The following AFF2 variants were observed in gnomAD, a reference collection of about 807,000 sequenced individuals.
AFF2 encodes AF4/FMR2 family member 2.
A neutral mutation model predicts 76.9 loss-of-function variants in AFF2; 14 were observed. That is an observed-to-expected ratio of 0.18 (90% CI 0.12 to 0.28). The LOEUF is 0.28. Among genes scored for constraint, AFF2 ranks in the 10% least tolerant of loss-of-function variants. The pLI, the probability that AFF2 is intolerant of heterozygous loss-of-function variation, is 1.00. For missense variants in AFF2, 868 were observed against 1,001.1 expected (o/e 0.87, Z 1.79); for synonymous variants, 398 against 366.7 (o/e 1.09, Z -0.98).
At chrX:148,788,215 G>C (rs1459642650) in intron 3 of AFF2, among the ~76,000 whole-genome samples, 1 of 111,819 alleles carries the variant, frequency 8.9e-6, no homozygotes, top group African/African-American at 3.3e-5. Context: ...TATAGAGACT[G>C]TTTATTTTCA....
At chrX:148,870,502 C>G (rs950976037) in intron 7 of AFF2, among the ~76,000 whole-genome samples, 9 of 112,243 alleles carry the variant, frequency 8.0e-5, no homozygotes, top group African/African-American at 2.9e-4. Flanking sequence ...AGTTCATTCT[C>G]TGTTTCTGTG....
chrX:148,861,612 T>C (rs1319474505), intron 7 of AFF2, among the ~76,000 whole-genome samples: 4 of 111,236 alleles, frequency 3.6e-5, no homozygotes, highest in Non-Finnish European at 5.7e-5. Flanking sequence ...GAATTTTTTT[T>C]CCCAGAATCT....
rs984348225 is a variant in AFF2, at chrX:148,997,667, A to G, written c.*6335A>G. On this transcript the variant is annotated 3_prime_UTR_variant, in exon 21 of 21. Coordinates refer to ENST00000370460, the MANE Select transcript of AFF2 (RefSeq NM_002025.4). ...TGGTATTGCTACAATATTTGTCCTTACTGGAAAATGGTAACATCCGGGTCT... is the reference window on the plus strand; with the variant it reads ...TGGTATTGCTACAATATTTGTCCTTGCTGGAAAATGGTAACATCCGGGTCT... The G allele has an allele frequency of 9.0e-6, 1 of 111,168 alleles. No individual in the cohort carries two copies. The highest frequency in any genetic ancestry group is 1.9e-5 in the Non-Finnish European group (1 of 52,951). 9.2% of individuals were successfully genotyped at this position (111,168 alleles called of 1,213,427 possible). A position where few individuals can be genotyped will look rare whatever the true frequency, so the allele number is the denominator to read the frequency against.
At chrX:148,522,983 A>G (rs2052617996) in intron 1 of AFF2, among the ~76,000 whole-genome samples, 1 of 112,209 alleles carries the variant, frequency 8.9e-6, no homozygotes, top group Non-Finnish European at 1.9e-5. Flanking sequence ...CAAATTTTGT[A>G]TTGTGATAGT....
intron 3 of AFF2, among the ~76,000 whole-genome samples, chrX:148,755,415 C>G (rs2055550234): frequency 9.0e-6 from 1 of 111,476 alleles, no homozygotes; most frequent in South Asian, 3.8e-4. Context: ...CAAAGCAGTC[C>G]CTGTTCAGGT....
intron 8 of AFF2, among the ~76,000 whole-genome samples, chrX:148,892,590 T>C (rs2071236439): frequency 9.0e-6 from 1 of 111,055 alleles, no homozygotes; most frequent in South Asian, 3.9e-4. Context: ...TCCTGATACC[T>C]GTGATGCACA....
rs374800841 is a variant in AFF2, at chrX:148,962,851, A to T, written c.2827A>T (p.Ile943Phe). ...TGGTCCCTTTGGTCAAGACAAAAACATCGCCATGACTGGACAAATCACATC... is the reference window on the plus strand; with the variant it reads ...TGGTCCCTTTGGTCAAGACAAAAACTTCGCCATGACTGGACAAATCACATC... ...NNGPFGQDKNIAMTGQITSTK... is the reference protein window; with the variant it reads ...NNGPFGQDKNFAMTGQITSTK... Residue 943 changes from isoleucine to phenylalanine, a missense_variant, in exon 13 of 21, where the codon ATC (isoleucine) becomes TTC (phenylalanine). By Grantham distance (21) the Ile-to-Phe change is conservative. This residue lies in a region of AFF2 where 532 missense variants were observed against 564.2 expected (regional missense o/e 0.94). Coordinates refer to ENST00000370460, the MANE Select transcript of AFF2 (RefSeq NM_002025.4). The T allele has an allele frequency of 1.1e-4, 127 of 1,209,399 alleles. 1 individual carries two copies. The South Asian group carries it at 2.1e-3, about 20-fold the overall frequency.
intron 3 of AFF2, among the ~76,000 whole-genome samples, chrX:148,713,861 C>T (rs1471989369): frequency 9.0e-6 from 1 of 111,567 alleles, no homozygotes; most frequent in African/African-American, 3.3e-5. Flanking sequence ...CTTGTAGGGG[C>T]CCTACTGAGG....
At chrX:148,704,368 G>A (rs868960549) in intron 3 of AFF2, among the ~76,000 whole-genome samples, 20 of 27,215 alleles carry the variant, frequency 7.3e-4, no homozygotes, top group South Asian at 4.3e-3. Flanking sequence ...ATATATGTGT[G>A]TATATATATA....
At chrX:148,717,577 C>T (rs1557263482) in intron 3 of AFF2, among the ~76,000 whole-genome samples, 1 of 111,833 alleles carries the variant, frequency 8.9e-6, no homozygotes, top group Admixed American at 9.5e-5. Flanking sequence ...GTTTTACCTA[C>T]ATTTAAAAAA....
chrX:148,828,083 C>G (rs962609926), intron 4 of AFF2, among the ~76,000 whole-genome samples: 5 of 110,758 alleles, frequency 4.5e-5, no homozygotes, highest in Non-Finnish European at 9.4e-5. Context: ...TATCTCAAAT[C>G]AGTATATTTT....
intron 2 of AFF2, among the ~76,000 whole-genome samples, chrX:148,654,617 A>G (rs1423509589): frequency 9.1e-6 from 1 of 110,104 alleles, no homozygotes; most frequent in African/African-American, 3.3e-5. Flanking sequence ...AGGTGAGGCT[A>G]AGTTGAGCAA....
intron 1 of AFF2, among the ~76,000 whole-genome samples, chrX:148,640,177 G>A (rs142267957): frequency 5.9e-4 from 66 of 112,223 alleles, no homozygotes; most frequent in African/African-American, 2.0e-3. Flanking sequence ...AAAGAAGACT[G>A]TGTTGTTTTA....
intron 4 of AFF2, among the ~76,000 whole-genome samples, chrX:148,832,024 G>A (rs1344586937): frequency 8.9e-6 from 1 of 112,343 alleles, no homozygotes; most frequent in African/African-American, 3.2e-5. Context: ...AATGTTTTCA[G>A]GTTTAATTTA....
chrX:148,942,795 G>A (rs1040563263), intron 9 of AFF2, among the ~76,000 whole-genome samples: 5 of 93,779 alleles, frequency 5.3e-5, no homozygotes, highest in Non-Finnish European at 1.1e-4. Context: ...CAGCCCAGGC[G>A]ATAGTGTGAG....
rs2053868764 is a variant in AFF2, at chrX:148,621,591, A to G, written c.48-30408A>G. On this transcript the variant is annotated intron_variant, in intron 1 of 20. Coordinates refer to ENST00000370460, the MANE Select transcript of AFF2 (RefSeq NM_002025.4). Reference sequence around the variant, plus strand: ...TTGTTTCAATTATGTAATCATAATAACAACTACAATTGGCATAAACTCTCC... The same window carrying G: ...TTGTTTCAATTATGTAATCATAATAGCAACTACAATTGGCATAAACTCTCC... Among the ~76,000 whole-genome samples, 3 of 112,140 alleles carry G rather than the reference A, an allele frequency of 2.7e-5. No homozygotes were observed. The South Asian group carries it at 1.1e-3, about 41-fold the overall frequency.
At chrX:148,578,633 A>G (rs2053318264) in intron 1 of AFF2, among the ~76,000 whole-genome samples, 1 of 112,024 alleles carries the variant, frequency 8.9e-6, no homozygotes. Context: ...TCCATGTTAA[A>G]GGTTGTTAGG....
intron 9 of AFF2, among the ~76,000 whole-genome samples, chrX:148,920,385 G>A (rs1200558886): frequency 1.8e-5 from 2 of 111,730 alleles, no homozygotes; most frequent in Admixed American, 9.5e-5. Flanking sequence ...TACTATCCTA[G>A]GGATTTAGGT....
intron 8 of AFF2, among the ~76,000 whole-genome samples, chrX:148,897,312 A>G (rs2071305818): frequency 1.2e-5 from 1 of 84,103 alleles, no homozygotes; most frequent in Non-Finnish European, 2.3e-5. Context: ...GTGTATATAT[A>G]TAAATACATA....
Sources: gnomAD v4.1 joint callset for allele counts (sites outside exome capture counted in the v4.1 genomes callset) on GRCh38, gnomAD v4.1.1 for gene constraint, gnomAD v4.1.1 regional missense constraint, MANE v1.5 for transcripts, NCBI Gene and HGNC (gene_info 2026-07-23, HGNC 2026-07-21) for gene names.